NECTIN3: variants seen among roughly 807,000 people sequenced by gnomAD.
NECTIN3 encodes the protein nectin cell adhesion molecule 3.
Under a neutral mutation model 49.4 loss-of-function variants are expected in NECTIN3, and 8 were observed. The ratio of observed to expected loss-of-function variants is 0.16; its 90% CI spans 0.10 to 0.29. NECTIN3 has a LOEUF of 0.29. Among genes scored for constraint, NECTIN3 ranks in the 10% least tolerant of loss-of-function variants. The probability of loss-of-function intolerance (pLI) is 1.00; values close to 1 mark genes in which losing one functional copy is unlikely to be tolerated. For missense variants in NECTIN3, 581 were observed against 654.6 expected (o/e 0.89, Z 1.23); for synonymous variants, 277 against 241.1 (o/e 1.15, Z -1.38).
Position 111,126,253 on chromosome 3 carries a change from T to C in NECTIN3, c.987T>C (p.Thr329=). ...DNTLHFVHPL[T]FNYSGVYICK... is the part of the protein sequence containing the mutation. ...CTCTTCATTTTGTCCATCCATTGAC[T>C]TTCAATTATTCTGGTGTTTATATCT... Residue 329 remains threonine, a synonymous_variant, in exon 5 of 6, where the codon ACT becomes ACC. Coordinates refer to ENST00000485303, the MANE Select transcript of NECTIN3 (RefSeq NM_015480.3). 1 of 1,610,546 alleles carries C rather than the reference T, an allele frequency of 6.2e-7. No homozygotes were observed. The highest frequency in any genetic ancestry group is 8.5e-7 in the Non-Finnish European group (1 of 1,178,960).
At chr3:111,161,357 A>G (rs2035209027) in intron 7 of NECTIN3, among the ~76,000 whole-genome samples, 1 of 152,156 alleles carries the variant, frequency 6.6e-6, no homozygotes, top group Non-Finnish European at 1.5e-5. Context: ...GGGCCTACAG[A>G]GAATAGCCAC....
intron 7 of NECTIN3, among the ~76,000 whole-genome samples, chr3:111,170,204 A>G (rs553665899): frequency 6.6e-6 from 1 of 152,342 alleles, no homozygotes; most frequent in South Asian, 2.1e-4. Flanking sequence ...AGTGAAAGGT[A>G]GAGGGGGACA....
chr3:111,164,754 C>T (rs1329568175), intron 7 of NECTIN3, among the ~76,000 whole-genome samples: 1 of 152,142 alleles, frequency 6.6e-6, no homozygotes, highest in African/African-American at 2.4e-5. Flanking sequence ...CTAGGGTCCA[C>T]CCAAATCAGC....
chr3:111,179,210 A>T (rs181481916), intron 7 of NECTIN3, among the ~76,000 whole-genome samples: 2 of 152,036 alleles, frequency 1.3e-5, no homozygotes, highest in Non-Finnish European at 2.9e-5. Flanking sequence ...CCTCCAGTCT[A>T]TCTAAGTCCC....
chr3:111,072,061 G>T lies in NECTIN3; in HGVS notation c.44G>T (p.Gly15Val). 1.3e-6 allele frequency: 2 copies of T among 1,548,154 alleles called. No homozygotes were observed. The highest frequency in any genetic ancestry group is 1.7e-6 in the Non-Finnish European group (2 of 1,145,698). The change falls in exon 1 of 6, where the codon GGC (glycine) becomes GTC (valine). Residue 15 changes from glycine to valine, a missense_variant. Transcript: ENST00000485303. ...CCGTCCCCGCTGTGTCCTGGAGGCG[G>T]CAAAGCACAACTTTCCTCCGCTTCT... Reference protein sequence around the residue: ...LRPSPLCPGGGKAQLSSASLL... With the variant: ...LRPSPLCPGGVKAQLSSASLL...
chr3:111,108,888 A>G (rs2033330647), intron 1 of NECTIN3, among the ~76,000 whole-genome samples: 1 of 152,130 alleles, frequency 6.6e-6, no homozygotes, highest in Non-Finnish European at 1.5e-5. Flanking sequence ...TCCACCTCCA[A>G]TATGGGAGGT....
intron 1 of NECTIN3, among the ~76,000 whole-genome samples, chr3:111,088,812 C>T (rs1337089672): frequency 6.6e-6 from 1 of 152,060 alleles, no homozygotes; most frequent in African/African-American, 2.4e-5. Flanking sequence ...CTTTTGCCAC[C>T]TTTTGGTGTC....
chr3:111,109,273 AG>A (rs2033352904), intron 1 of NECTIN3, among the ~76,000 whole-genome samples: 2 of 152,140 alleles, frequency 1.3e-5, no homozygotes, highest in Admixed American at 1.3e-4. Flanking sequence ...AATGAATTTT[AG>A]GGAGGACACA....
chr3:111,162,038 A>G (rs2035222428), intron 7 of NECTIN3, among the ~76,000 whole-genome samples: 2 of 152,052 alleles, frequency 1.3e-5, no homozygotes, highest in Non-Finnish European at 2.9e-5. Context: ...CAACATTATG[A>G]TCCTTCCATT....
At chr3:111,119,274 T>C (rs1288876783) in intron 3 of NECTIN3, among the ~76,000 whole-genome samples, 1 of 152,212 alleles carries the variant, frequency 6.6e-6, no homozygotes, top group African/African-American at 2.4e-5. Flanking sequence ...TTCTAATTAA[T>C]TGAGCTGTTA....
chr3:111,135,618 G>A lies in NECTIN3; in HGVS notation c.*1403G>A, dbSNP rs1467100589. ...ACCATTTTGCCAGTGAAATGAAGTG[G>A]AAGTTAGTAGGAGAATCATAAATTA... On this transcript the variant is annotated 3_prime_UTR_variant, in exon 6 of 6. Transcript: ENST00000485303. 3 of 963,004 alleles carry A rather than the reference G, an allele frequency of 3.1e-6. No individual in the cohort carries two copies. The African/African-American group carries it at 5.3e-5, about 17-fold the overall frequency. 59.7% of individuals were successfully genotyped at this position (963,004 alleles called of 1,614,324 possible).
At chr3:111,077,306 G>A (rs1466960932) in intron 1 of NECTIN3, 2 of 198,318 alleles carry the variant, frequency 1.0e-5, no homozygotes, top group African/African-American at 5.2e-5. Context: ...ACTGGAATGT[G>A]AGCCATGTGT....
chr3:111,115,766 A>G (rs930503183), intron 2 of NECTIN3, among the ~76,000 whole-genome samples: 2 of 152,346 alleles, frequency 1.3e-5, no homozygotes, highest in South Asian at 4.1e-4. Context: ...AAGACTTGCA[A>G]TTAATTTTGT....
Position 111,135,693 on chromosome 3 carries a change from C to A in NECTIN3, c.*1478C>A, listed in dbSNP as rs1219472491. On this transcript the variant is annotated 3_prime_UTR_variant, in exon 6 of 6. Transcript: ENST00000485303. Reference sequence around the variant, plus strand: ...GGCAAAGTAGTAGGTACTTTTTAAACCCTCCCAACCAGCCCTTTCTCAATA... The same window carrying A: ...GGCAAAGTAGTAGGTACTTTTTAAAACCTCCCAACCAGCCCTTTCTCAATA... 2 of 957,518 alleles carry A rather than the reference C, an allele frequency of 2.1e-6. No homozygotes were observed. The highest frequency in any genetic ancestry group is 1.8e-5 in the African/African-American group (1 of 56,452). 59.3% of individuals were successfully genotyped at this position (957,518 alleles called of 1,614,324 possible).
chr3:111,169,375 C>CTTTTTTTTT (rs59239398), intron 7 of NECTIN3, among the ~76,000 whole-genome samples: 1 of 114,598 alleles, frequency 8.7e-6, no homozygotes, highest in Non-Finnish European at 1.8e-5. Flanking sequence ...CAAACGCAAA[C>CTTTTTTTTT]TTTTTTTTTT....
chr3:111,151,502 A>G (rs1200422081), intron 7 of NECTIN3, among the ~76,000 whole-genome samples: 1 of 151,958 alleles, frequency 6.6e-6, no homozygotes, highest in East Asian at 1.9e-4. Context: ...TATCTTTGTA[A>G]TAGACTTCTC....
chr3:111,171,626 C>G (rs2035434035), intron 7 of NECTIN3, among the ~76,000 whole-genome samples: 2 of 152,032 alleles, frequency 1.3e-5, no homozygotes, highest in Non-Finnish European at 2.9e-5. Flanking sequence ...GGACAAAGCT[C>G]CATACACCAG....
chr3:111,088,785 T>G (rs2032083861), intron 1 of NECTIN3, among the ~76,000 whole-genome samples: 1 of 152,188 alleles, frequency 6.6e-6, no homozygotes, highest in South Asian at 2.1e-4. Flanking sequence ...GGCCCAAAAT[T>G]TTTCTTTCTT....
Position 111,184,312 on chromosome 3 carries a change from T to G in NECTIN3, c.1222-8039T>G, listed in dbSNP as rs1279386268. ...ATTTCATCGTATGTCATGTTATGCT[T>G]TGAAAAGTCATATTGAAATTTAATT... On this transcript the variant is annotated intron_variant, in intron 7 of 8. Coordinates refer to the NECTIN3 transcript ENST00000493615. Among the ~76,000 whole-genome samples the G allele has an allele frequency of 3.9e-5, 6 of 152,368 alleles. No individual in the cohort carries two copies. In the East Asian group the frequency reaches 1.2e-3, roughly 29 times the overall value.
Sources: gnomAD v4.1 joint callset for allele counts (sites outside exome capture counted in the v4.1 genomes callset) on GRCh38, gnomAD v4.1.1 for gene constraint, MANE v1.5 for transcripts, NCBI Gene and HGNC (gene_info 2026-07-23, HGNC 2026-07-21) for gene names.